LTF: variants seen among roughly 807,000 people sequenced by gnomAD.
LTF encodes lactotransferrin.
Under a neutral mutation model 87.2 loss-of-function variants are expected in LTF, and 91 were observed. The ratio of observed to expected loss-of-function variants is 1.04; its 90% CI spans 0.88 to 1.24. The LOEUF is 1.24. Among genes scored for constraint, LTF ranks in the 50% most tolerant of loss-of-function variants. The pLI is 0.00. For missense variants in LTF, 901 were observed against 904.3 expected, an observed-to-expected ratio of 1.00 and a Z score of 0.05; for synonymous variants, 378 against 356.1, an observed-to-expected ratio of 1.06 and a Z score of -0.69.
intron 1 of LTF, among the ~76,000 whole-genome samples, chr3:46,479,189 C>T (rs536048781): frequency 4.6e-5 from 7 of 152,352 alleles, no homozygotes; most frequent in African/African-American, 1.7e-4. Context: ...CTGCCTCCCA[C>T]CTGTGGCAGC....
intron 14 of LTF, among the ~76,000 whole-genome samples, chr3:46,439,909 C>G (rs1315944618): frequency 6.9e-6 from 1 of 145,200 alleles, no homozygotes; most frequent in African/African-American, 2.5e-5. Flanking sequence ...GACCTCATCT[C>G]AAAAAAAAAA....
In LTF at chr3:46,437,408, C is replaced by A. The variant is rs191902181; in HGVS notation, c.2098+532G>T. Among the ~76,000 whole-genome samples, 84 of 146,270 alleles carry A rather than the reference C, an allele frequency of 5.7e-4. 1 individual carries two copies. Among genetic ancestry groups the A allele is most frequent in the African/African-American group, 2.1e-3 (82 of 38,500 alleles). On this transcript the variant is annotated intron_variant, in intron 16 of 16. Coordinates refer to ENST00000231751, the MANE Select transcript of LTF (RefSeq NM_002343.6). The stretch of plus-strand genomic sequence containing the variant: ...CAATCATAGCTCACTGCAGCTTCAA[C>A]CTTCTGGGATCAAGCAATCCTCCTA...
At chr3:46,473,569 G>A (rs1259151474) in intron 1 of LTF, among the ~76,000 whole-genome samples, 1 of 152,186 alleles carries the variant, frequency 6.6e-6, no homozygotes, top group Non-Finnish European at 1.5e-5. Context: ...AGAATGTAGG[G>A]CTGTTTTCCC....
rs112642115 is a variant in LTF at position 46,478,286 on chromosome 3, C to T, written c.-320+6700G>A. 2.8e-3 allele frequency among the ~76,000 whole-genome samples: 422 copies of T among 152,246 alleles called. 4 individuals carry two copies. The highest frequency in any genetic ancestry group is 3.7e-3 in the Non-Finnish European group (253 of 68,026). ...GCTCACCAGTAACCCAGCTGCGTCCCGACTGTCAGTCTTGGCTTTGCTCCA... is the reference window on the plus strand; with the variant it reads ...GCTCACCAGTAACCCAGCTGCGTCCTGACTGTCAGTCTTGGCTTTGCTCCA... On this transcript the variant is annotated intron_variant, in intron 1 of 19. Coordinates refer to the LTF transcript ENST00000443496.
intron 1 of LTF, among the ~76,000 whole-genome samples, chr3:46,479,703 T>C (rs1331877099): frequency 6.6e-6 from 1 of 152,160 alleles, no homozygotes; most frequent in Non-Finnish European, 1.5e-5. Flanking sequence ...TTTGTATTTT[T>C]AGTAGAGACG....
Position 46,464,853 on chromosome 3 carries a change from G to A in LTF, c.15C>T (p.Phe5=), listed in dbSNP as rs1218763570. The change falls in exon 1 of 17, where the codon TTC becomes TTT. Residue 5 remains phenylalanine, a synonymous_variant. Coordinates refer to ENST00000231751, the MANE Select transcript of LTF (RefSeq NM_002343.6). The stretch of plus-strand genomic sequence containing the variant: ...GGGCCCCGAGGAACAGCAGGACGAG[G>A]AAGACAAGTTTCATGTCTGCGGTCT... MKLV[F]LVLLFLGALG... 6.2e-7 allele frequency: 1 copy of A among 1,613,934 alleles called. No homozygotes were observed.
rs1378619707 is a variant in LTF, at chr3:46,436,165, T to A, written c.*30A>T. Reference sequence around the variant, plus strand: ...TGGGGGCAGTGAATGGCTGAGGCTTTCTTGGGGAGCTGGGCCATCTTCTTC... The same window carrying A: ...TGGGGGCAGTGAATGGCTGAGGCTTACTTGGGGAGCTGGGCCATCTTCTTC... On this transcript the variant is annotated 3_prime_UTR_variant, in exon 17 of 17. Transcript: ENST00000231751. The A allele has an allele frequency of 1.2e-6, 2 of 1,613,616 alleles. No individual in the cohort carries two copies. The highest frequency in any genetic ancestry group is 3.3e-5 in the Admixed American group (2 of 60,024).
intron 1 of LTF, among the ~76,000 whole-genome samples, chr3:46,472,746 A>G (rs1703309883): frequency 6.6e-6 from 1 of 152,122 alleles, no homozygotes; most frequent in African/African-American, 2.4e-5. Flanking sequence ...GCTGGGGTCC[A>G]GGAGAGCAAT....
rs757179378 is a variant in LTF, at chr3:46,439,365, G to A, written c.1839C>T (p.Ala613=). The change falls in exon 15 of 17, where the codon GCC becomes GCT. Residue 613 remains alanine, a synonymous_variant. Transcript: ENST00000231751. ...TEARSCHLAM[A]PNHAVVSRMD... is the part of the protein sequence containing the mutation. Reference sequence around the variant, plus strand: ...TCCGAGACACCACGGCATGATTCGGGGCCATGGCAAGATGGCAGCTTCTAG... The same window carrying A: ...TCCGAGACACCACGGCATGATTCGGAGCCATGGCAAGATGGCAGCTTCTAG... The A allele has an allele frequency of 1.9e-6, 3 of 1,614,056 alleles. No individual in the cohort carries two copies. Among genetic ancestry groups the A allele is most frequent in the Admixed American group, 3.3e-5 (2 of 60,006 alleles).
intron 14 of LTF, 42 bp downstream of exon 14, chr3:46,441,374 A>C: frequency 6.6e-7 from 1 of 1,526,252 alleles, no homozygotes; most frequent in Non-Finnish European, 9.0e-7. Context: ...TGTGATGCCA[A>C]AGACTCTGCT....
intron 1 of LTF, among the ~76,000 whole-genome samples, chr3:46,473,873 CA>C (rs1018824827): frequency 2.0e-5 from 3 of 152,142 alleles, no homozygotes; most frequent in Non-Finnish European, 4.4e-5. Flanking sequence ...CTTTGGGGTC[CA>C]TTATTCAGCA....
At chr3:46,471,176 C>T (rs995412423) in intron 1 of LTF, among the ~76,000 whole-genome samples, 13 of 152,242 alleles carry the variant, frequency 8.5e-5, no homozygotes, top group Non-Finnish European at 1.8e-4. Flanking sequence ...TAGGAGAGCA[C>T]ACACTGCCCC....
At chr3:46,462,622 C>A (rs1575323190) in intron 1 of LTF, among the ~76,000 whole-genome samples, 1 of 152,178 alleles carries the variant, frequency 6.6e-6, no homozygotes, top group African/African-American at 2.4e-5. Flanking sequence ...GTCTCCAATG[C>A]TGATCCAGGG....
intron 6 of LTF, among the ~76,000 whole-genome samples, chr3:46,451,418 A>G (rs543358955): frequency 6.6e-6 from 1 of 152,382 alleles, no homozygotes; most frequent in South Asian, 2.1e-4. Flanking sequence ...AGTGTATTCC[A>G]TTAACAAAAG....
At chr3:46,484,383 G>A (rs538967957) in intron 1 of LTF, among the ~76,000 whole-genome samples, 1 of 152,282 alleles carries the variant, frequency 6.6e-6, no homozygotes, top group African/African-American at 2.4e-5. Flanking sequence ...AGCCATCTCC[G>A]TGAGGTAGGT....
At chr3:46,466,251 A>C (rs1559609610), upstream of LTF, among the ~76,000 whole-genome samples, 1 of 152,134 alleles carries the variant, frequency 6.6e-6, no homozygotes, top group Non-Finnish European at 1.5e-5. Flanking sequence ...CCCACCAAAA[A>C]AAAAAAGGGT....
intron 1 of LTF, among the ~76,000 whole-genome samples, chr3:46,470,920 A>G (rs1703274001): frequency 6.6e-6 from 1 of 152,234 alleles, no homozygotes; most frequent in African/African-American, 2.4e-5. Flanking sequence ...TGCTCAGTAC[A>G]GACAAGCTGT....
chr3:46,482,659 A>AGAAAGAAAGAAAGAAG (rs1553668626), intron 1 of LTF, among the ~76,000 whole-genome samples: 79 of 60,228 alleles, frequency 1.3e-3, no homozygotes, highest in African/African-American at 2.4e-3. Context: ...AAAGAAAGAA[A>AGAAAGAAAGAAAGAAG]GAAGGAAGGA....
chr3:46,445,030 C>T (rs1316115984), intron 12 of LTF, among the ~76,000 whole-genome samples: 3 of 152,148 alleles, frequency 2.0e-5, no homozygotes, highest in Admixed American at 6.5e-5. Flanking sequence ...TAGGGTGCAG[C>T]GAAATAGGCA....
Sources: gnomAD v4.1 joint callset for allele counts (sites outside exome capture counted in the v4.1 genomes callset) on GRCh38, gnomAD v4.1.1 for gene constraint, MANE v1.5 for transcripts, NCBI Gene and HGNC (gene_info 2026-07-23, HGNC 2026-07-21) for gene names.